Variants in CHM observed in about 807,000 individuals in gnomAD.
The protein encoded by CHM is rab proteins geranylgeranyltransferase component A 1.
A neutral mutation model predicts 49.0 loss-of-function variants in CHM; 10 were observed. The ratio of observed to expected loss-of-function variants is 0.20; its 90% CI spans 0.13 to 0.35. CHM has a LOEUF of 0.35. Among genes scored for constraint, CHM ranks in the 10% least tolerant of loss-of-function variants. The pLI is 1.00. For missense variants in CHM, 455 were observed against 478.4 expected (o/e 0.95, Z 0.46); for synonymous variants, 184 against 167.5 (o/e 1.10, Z -0.76).
chrX:85,998,617 A>C (rs1367704180), intron 2 of CHM, among the ~76,000 whole-genome samples: 1 of 111,970 alleles, frequency 8.9e-6, no homozygotes, highest in African/African-American at 3.3e-5. Flanking sequence ...TCATCAGGCA[A>C]CACTGTAGAG....
chrX:85,947,733 T>A (rs1311268295), intron 8 of CHM, among the ~76,000 whole-genome samples: 2 of 112,271 alleles, frequency 1.8e-5, no homozygotes, highest in Non-Finnish European at 3.8e-5. Flanking sequence ...ATGAAAGCTA[T>A]AAGCTAGAGA....
intron 8 of CHM, among the ~76,000 whole-genome samples, chrX:85,943,430 T>C (rs760104485): frequency 8.9e-6 from 1 of 112,080 alleles, no homozygotes; most frequent in Admixed American, 9.5e-5. Context: ...GGAGATAATT[T>C]GCTCATGGCT....
intron 2 of CHM, 99 bp downstream of exon 2, chrX:86,027,392 A>T: frequency 1.5e-6 from 1 of 678,290 alleles, no homozygotes; most frequent in East Asian, 3.5e-5. Context: ...TGATATACAC[A>T]TACATGTACA....
chrX:85,944,499 G>A (rs1401718900), intron 8 of CHM, among the ~76,000 whole-genome samples: 2 of 112,167 alleles, frequency 1.8e-5, no homozygotes, highest in African/African-American at 6.5e-5. Flanking sequence ...TTCATTAAAT[G>A]GGAGATTCCT....
In CHM at chrX:85,873,022, T is replaced by C; in HGVS notation, c.1770+30A>G. On this transcript the variant is annotated intron_variant, in intron 14 of 14. Transcript: ENST00000357749. ...TTTCCCAACCACACCAACATCTTAA[T>C]ACAAAACTGAGAAACATCAAGAGCC... 2.5e-6 allele frequency: 3 copies of C among 1,192,295 alleles called. 1 individual carries two copies. The highest frequency in any genetic ancestry group is 3.6e-5 in the South Asian group (2 of 55,721).
intron 9 of CHM, among the ~76,000 whole-genome samples, chrX:85,907,794 G>A (rs1024457104): frequency 8.9e-6 from 1 of 111,751 alleles, no homozygotes; most frequent in African/African-American, 3.2e-5. Flanking sequence ...CACAAAAAGG[G>A]TTATAGCCAG....
At chrX:85,993,898 T>C (rs966914351) in intron 2 of CHM, among the ~76,000 whole-genome samples, 8 of 111,867 alleles carry the variant, frequency 7.2e-5, no homozygotes, top group African/African-American at 2.6e-4. Context: ...CTTCAACTCT[T>C]CAAAAAGAAC....
intron 6 of CHM, 151 bp from the exon 7 acceptor site, chrX:85,958,126 T>C (rs1930098395): frequency 1.5e-6 from 1 of 677,445 alleles, no homozygotes; most frequent in Non-Finnish European, 2.2e-6. Flanking sequence ...ACTAATGGCA[T>C]CTCTGCTAAC....
chrX:85,949,978 A>AATATATGTATAT (rs1556303814), intron 8 of CHM, among the ~76,000 whole-genome samples: 6 of 42,807 alleles, frequency 1.4e-4, no homozygotes, highest in African/African-American at 4.9e-4. Context: ...ACTGAAATTA[A>AATATATGTATAT]ATATATATAT....
chrX:85,974,550 A>C (rs754389002), intron 4 of CHM, among the ~76,000 whole-genome samples: 39 of 111,425 alleles, frequency 3.5e-4, no homozygotes, highest in African/African-American at 1.1e-3. Flanking sequence ...AAACATATAG[A>C]TCGAACAGAA....
At chrX:86,005,508 A>T (rs779488333) in intron 2 of CHM, among the ~76,000 whole-genome samples, 2 of 112,108 alleles carry the variant, frequency 1.8e-5, no homozygotes, top group South Asian at 7.4e-4. Context: ...CAAAATTGAT[A>T]GAGAGCTAGA....
intron 9 of CHM, among the ~76,000 whole-genome samples, chrX:85,902,344 A>G (rs2148155980): frequency 8.9e-6 from 1 of 111,732 alleles, no homozygotes; most frequent in South Asian, 3.8e-4. Context: ...CTCAAGACCA[A>G]TAGTGAGAGG....
rs375227606 is a variant in CHM, at chrX:85,879,149, T to C, written c.1511-86A>G. On this transcript the variant is annotated intron_variant, in intron 12 of 14. Coordinates refer to ENST00000357749, the MANE Select transcript of CHM (RefSeq NM_000390.4). The stretch of plus-strand genomic sequence containing the variant: ...GGCATTAAGCTGGTATTATGGATAA[T>C]AGAGAGCTGAGCAAGTCATGGTGGT... 321 of 665,543 alleles carry C rather than the reference T, an allele frequency of 4.8e-4. 1 individual carries two copies. The South Asian group carries it at 7.4e-3, about 15-fold the overall frequency. 54.8% of individuals were successfully genotyped at this position (665,543 alleles called of 1,213,427 possible).
intron 8 of CHM, among the ~76,000 whole-genome samples, chrX:85,950,733 T>C (rs1405061859): frequency 8.9e-6 from 1 of 111,820 alleles, no homozygotes; most frequent in East Asian, 2.8e-4. Flanking sequence ...TAGGATAATG[T>C]AGGTCTAAAA....
Position 85,981,885 on chromosome X carries a change from C to T in CHM, c.117-76G>A, listed in dbSNP as rs1603269874. Reference sequence around the variant, plus strand: ...AATTCACTGATCTTCATCAACAAACCATCTTTAACCCTTAAACTTACTTCA... The same window carrying T: ...AATTCACTGATCTTCATCAACAAACTATCTTTAACCCTTAAACTTACTTCA... On this transcript the variant is annotated intron_variant, in intron 2 of 14. Transcript: ENST00000357749. 4 of 773,700 alleles carry T rather than the reference C, an allele frequency of 5.2e-6. No individual in the cohort carries two copies. The South Asian group carries it at 7.4e-5, about 14-fold the overall frequency. The allele number at this position is 773,700 out of a possible 1,213,427, so 63.8% of individuals were successfully genotyped here.
chrX:85,999,599 T>C (rs1932606237), intron 2 of CHM, among the ~76,000 whole-genome samples: 1 of 112,134 alleles, frequency 8.9e-6, no homozygotes, highest in Non-Finnish European at 1.9e-5. Flanking sequence ...TACACCTCCA[T>C]TTAACAACTT....
At chrX:85,996,681 G>A (rs1932454101) in intron 2 of CHM, among the ~76,000 whole-genome samples, 1 of 111,495 alleles carries the variant, frequency 9.0e-6, no homozygotes, top group African/African-American at 3.3e-5. Context: ...TATATATATA[G>A]CTTATCTTCA....
At chrX:86,014,917 G>GTATT (rs765957252) in intron 2 of CHM, among the ~76,000 whole-genome samples, 1 of 110,210 alleles carries the variant, frequency 9.1e-6, no homozygotes, top group Non-Finnish European at 1.9e-5. Context: ...ATAACAATAA[G>GTATT]GATTAAAAAA....
chrX:85,892,314 T>C (rs1237421465), intron 12 of CHM, among the ~76,000 whole-genome samples: 2 of 111,009 alleles, frequency 1.8e-5, no homozygotes, highest in Non-Finnish European at 3.8e-5. Flanking sequence ...GGTTTGGCTG[T>C]GTCCCCACTG....
Sources: allele counts gnomAD v4.1 joint callset (sites outside exome capture counted in the v4.1 genomes callset), GRCh38; gene constraint gnomAD v4.1.1; transcripts MANE v1.5; gene names NCBI Gene and HGNC (gene_info 2026-07-23, HGNC 2026-07-21).